RNF216: variants seen among roughly 807,000 people sequenced by gnomAD.
RNF216 encodes ring finger protein 216.
In RNF216, 72 loss-of-function variants were observed where a neutral mutation model predicts 110.8. The observed-to-expected ratio is 0.65, with a 90% CI of 0.54 to 0.79. RNF216 has a LOEUF of 0.79. Among genes scored for constraint, RNF216 ranks in the 30% least tolerant of loss-of-function variants. RNF216 has a pLI of 0.00. For synonymous variants in RNF216, 495 were observed against 407.5 expected (o/e 1.21, Z -2.59); for missense variants, 1,342 against 1,141.2 (o/e 1.18, Z -2.54).
At chr7:5,639,795 T>C (rs1264583964) in intron 15 of RNF216, among the ~76,000 whole-genome samples, 3 of 151,568 alleles carry the variant, frequency 2.0e-5, no homozygotes, top group African/African-American at 7.3e-5. Context: ...AGTCTCGCTC[T>C]GTCGCCCAGG....
intron 15 of RNF216, among the ~76,000 whole-genome samples, chr7:5,639,136 G>C (rs1455518926): frequency 6.6e-6 from 1 of 152,210 alleles, no homozygotes; most frequent in Non-Finnish European, 1.5e-5. Context: ...TGAAGCAGAA[G>C]TGACCTGTTG....
chr7:5,623,242 G>C (rs1786502888), intron 16 of RNF216, 63 bp from the exon 17 acceptor site: 5 of 1,475,828 alleles, frequency 3.4e-6, no homozygotes, highest in Non-Finnish European at 4.6e-6. Context: ...AATCTAGCCT[G>C]GGACCAGGGC....
At chr7:5,653,793 G>A (rs1274143681) in intron 13 of RNF216, among the ~76,000 whole-genome samples, 4 of 152,008 alleles carry the variant, frequency 2.6e-5, no homozygotes, top group Non-Finnish European at 2.9e-5. Flanking sequence ...TCCAAAGGAC[G>A]AGTCAACGAT....
chr7:5,669,586 T>C (rs1192859190), intron 13 of RNF216, among the ~76,000 whole-genome samples: 4 of 152,198 alleles, frequency 2.6e-5, no homozygotes, highest in South Asian at 2.1e-4. Flanking sequence ...CTGCCAGATA[T>C]CACTGTTGAA....
intron 1 of RNF216, among the ~76,000 whole-genome samples, chr7:5,768,270 G>A (rs554494553): frequency 6.4e-5 from 9 of 139,812 alleles, no homozygotes; most frequent in African/African-American, 2.2e-4. Context: ...GGGAAACATA[G>A]TGAGATCTTG....
chr7:5,686,952 G>GC (rs918391007), intron 13 of RNF216, among the ~76,000 whole-genome samples: 2 of 152,168 alleles, frequency 1.3e-5, no homozygotes, highest in African/African-American at 2.4e-5. Flanking sequence ...TCACTCACTG[G>GC]CCCAGTGCTC....
chr7:5,684,676 G>C (rs1790867373), intron 13 of RNF216, among the ~76,000 whole-genome samples: 1 of 152,176 alleles, frequency 6.6e-6, no homozygotes. Context: ...TGAGAAAAAG[G>C]AACTTGACTG....
chr7:5,706,756 C>T (rs1267597427), intron 13 of RNF216, among the ~76,000 whole-genome samples: 1 of 152,204 alleles, frequency 6.6e-6, no homozygotes, highest in Non-Finnish European at 1.5e-5. Flanking sequence ...TTGATGGTTT[C>T]CTTTGCTGAA....
In RNF216 at chr7:5,771,794, T is replaced by TC. The variant is rs539780177; in HGVS notation, c.-70+9746dup. On this transcript the variant is annotated intron_variant, in intron 1 of 16. Transcript: ENST00000389902. Reference sequence around the variant, plus strand: ...CCTGGGCAATGGGAGTGAAACCCTGTCCCCCCACCAAAAAACATCTGCCCA... The same window carrying TC: ...CCTGGGCAATGGGAGTGAAACCCTGTCCCCCCCACCAAAAAACATCTGCCCA... Among the ~76,000 whole-genome samples the TC allele has an allele frequency of 1.5e-3, 228 of 151,296 alleles. 1 individual carries two copies. The highest frequency in any genetic ancestry group is 6.8e-3 in the Middle Eastern group (2 of 294).
intron 13 of RNF216, among the ~76,000 whole-genome samples, chr7:5,677,026 A>G (rs1293626522): frequency 6.6e-6 from 1 of 152,250 alleles, no homozygotes; most frequent in Non-Finnish European, 1.5e-5. Flanking sequence ...CGAACCTCGT[A>G]AGAGAACTAA....
At chr7:5,694,816 T>C (rs1791530156) in intron 13 of RNF216, among the ~76,000 whole-genome samples, 1 of 152,228 alleles carries the variant, frequency 6.6e-6, no homozygotes, top group African/African-American at 2.4e-5. Flanking sequence ...CAAAGTGTTC[T>C]AGGTGTTGTC....
At chr7:5,752,445 T>C (rs1466230144) in intron 3 of RNF216, among the ~76,000 whole-genome samples, 1 of 152,074 alleles carries the variant, frequency 6.6e-6, no homozygotes, top group African/African-American at 2.4e-5. Flanking sequence ...GCAAACTGAT[T>C]ATATATATAT....
At chr7:5,712,949 C>G in intron 11 of RNF216, 86 bp from the exon 12 acceptor site, 1 of 1,223,858 alleles carries the variant, frequency 8.2e-7, no homozygotes, top group South Asian at 1.5e-5. Flanking sequence ...AACATAGATC[C>G]TGAGACAACA....
At chr7:5,653,599 T>G (rs1246454771) in intron 13 of RNF216, among the ~76,000 whole-genome samples, 1 of 19,768 alleles carries the variant, frequency 5.1e-5, no homozygotes, top group East Asian at 5.0e-3. Flanking sequence ...AGACTCTGTC[T>G]CAAAAAAAAA....
chr7:5,671,600 C>T (rs57309152), intron 13 of RNF216, among the ~76,000 whole-genome samples: 5,728 of 152,072 alleles, frequency 0.038, 160 homozygotes, highest in South Asian at 0.072. Flanking sequence ...GTCAGCAGTT[C>T]GAGACCAGCC....
At chr7:5,752,802 C>T in intron 3 of RNF216, 44 bp downstream of exon 3, 2 of 1,596,562 alleles carry the variant, frequency 1.3e-6, no homozygotes, top group Non-Finnish European at 1.7e-6. Context: ...AATCAGATCA[C>T]CAACTTGCAA....
At chr7:5,669,897 G>GT (rs1789788491) in intron 13 of RNF216, among the ~76,000 whole-genome samples, 1 of 151,534 alleles carries the variant, frequency 6.6e-6, no homozygotes, top group Admixed American at 6.6e-5. Flanking sequence ...AAAAAAGAAA[G>GT]TAAGTGAGAT....
At chr7:5,659,626 G>C (rs1422112008) in intron 13 of RNF216, among the ~76,000 whole-genome samples, 1 of 152,200 alleles carries the variant, frequency 6.6e-6, no homozygotes, top group Admixed American at 6.5e-5. Flanking sequence ...TTAAAGGGAT[G>C]GTTTGCTGGG....
intron 8 of RNF216, 24 bp downstream of exon 8, chr7:5,725,300 T>C (rs770919675): frequency 7.5e-6 from 10 of 1,333,152 alleles, no homozygotes; most frequent in Non-Finnish European, 1.1e-5. Context: ...AGCTACACAC[T>C]GCCACCAACA....
Sources: gnomAD v4.1 joint callset for allele counts (sites outside exome capture counted in the v4.1 genomes callset) on GRCh38, gnomAD v4.1.1 for gene constraint, MANE v1.5 for transcripts, NCBI Gene and HGNC (gene_info 2026-07-23, HGNC 2026-07-21) for gene names.